Variants in MRTFA observed in about 807,000 individuals in gnomAD.
MRTFA encodes the protein myocardin related transcription factor A.
Under a neutral mutation model 83.5 loss-of-function variants are expected in MRTFA, and 20 were observed. That is an observed-to-expected ratio of 0.24 (90% confidence interval 0.17 to 0.35). The LOEUF (loss-of-function observed/expected upper bound fraction) is 0.35, where lower values mean the gene tolerates loss of function less well. MRTFA is among the 10% of genes least tolerant of loss of function. MRTFA has a pLI of 1.00. For missense variants in MRTFA, 1,200 were observed against 1,224.7 expected, an observed-to-expected ratio of 0.98 and a Z score of 0.30; for synonymous variants, 659 against 541.2, an observed-to-expected ratio of 1.22 and a Z score of -3.02.
chr22:40,634,402 A>C (rs1405612102), intron 1 of MRTFA, among the ~76,000 whole-genome samples: 2 of 152,122 alleles, frequency 1.3e-5, no homozygotes, highest in African/African-American at 4.8e-5. Flanking sequence ...CTATCAGGAA[A>C]ACTTTCCAAG....
chr22:40,618,555 C>T (rs2056482932), intron 1 of MRTFA, among the ~76,000 whole-genome samples: 1 of 152,072 alleles, frequency 6.6e-6, no homozygotes, highest in African/African-American at 2.4e-5. Context: ...ATGGGGTTGC[C>T]ACAGAGTAAG....
At chr22:40,421,959 C>T (rs1186443350) in intron 9 of MRTFA, among the ~76,000 whole-genome samples, 1 of 152,186 alleles carries the variant, frequency 6.6e-6, no homozygotes, top group East Asian at 1.9e-4. Context: ...ACAAAGTGAA[C>T]ATGTGGCAGG....
At chr22:40,631,188 T>C (rs2056637794) in intron 1 of MRTFA, among the ~76,000 whole-genome samples, 1 of 152,138 alleles carries the variant, frequency 6.6e-6, no homozygotes, top group Admixed American at 6.6e-5. Flanking sequence ...ATAGAAAAAT[T>C]GATGGTGAAG....
intron 3 of MRTFA, among the ~76,000 whole-genome samples, chr22:40,548,227 C>T (rs1442504911): frequency 2.6e-5 from 4 of 151,378 alleles, no homozygotes; most frequent in Non-Finnish European, 4.4e-5. Flanking sequence ...GGCATGGTGG[C>T]GCATGTCTGT....
At chr22:40,419,969 T>TGCGGGCA (rs2052793729) in intron 11 of MRTFA, among the ~76,000 whole-genome samples, 2 of 152,018 alleles carry the variant, frequency 1.3e-5, no homozygotes, top group Admixed American at 1.3e-4. Flanking sequence ...AAGGGGAAAA[T>TGCGGGCA]GCGGGCAGGG....
At position 40,617,395 on chromosome 22, in the gene MRTFA, G is replaced by A. The variant is rs556773082; in HGVS notation, c.-84+19083C>T. On this transcript the variant is annotated intron_variant, in intron 1 of 14. Transcript: ENST00000355630. ...CACAAACGGAGGCCAAATTGAAAAG[G>A]AGCTAGCAAAAGAGACAAAAAATGG... 1.1e-4 allele frequency among the ~76,000 whole-genome samples: 17 copies of A among 152,244 alleles called. No individual in the cohort carries two copies. In the South Asian group the frequency reaches 3.1e-3, roughly 28 times the overall value.
chr22:40,478,742 T>C (rs572357666), intron 3 of MRTFA, among the ~76,000 whole-genome samples: 1 of 152,286 alleles, frequency 6.6e-6, no homozygotes, highest in East Asian at 1.9e-4. Context: ...CAACATCTGG[T>C]GGAGGCAAAC....
intron 7 of MRTFA, among the ~76,000 whole-genome samples, chr22:40,426,019 A>G (rs1035209508): frequency 1.2e-4 from 19 of 152,182 alleles, no homozygotes; most frequent in Non-Finnish European, 2.5e-4. Flanking sequence ...CTAAGGGCAC[A>G]CTGAGGAGAG....
intron 3 of MRTFA, among the ~76,000 whole-genome samples, chr22:40,475,752 G>A (rs576795237): frequency 6.6e-6 from 1 of 152,316 alleles, no homozygotes; most frequent in Admixed American, 6.5e-5. Flanking sequence ...GTATTTTTCA[G>A]TTATCATAAG....
Position 40,420,529 on chromosome 22 carries a change from C to G in MRTFA, c.1229G>C (p.Ser410Thr), listed in dbSNP as rs578020660. 1.9e-6 allele frequency: 3 copies of G among 1,613,748 alleles called. No individual in the cohort carries two copies. The East Asian group carries it at 6.7e-5, about 36-fold the overall frequency. ...GGAGCTGCTATTGGTAGTGGAGAGG[C>G]TGCGTACTGGGGGGGTCCCGCTGCT... The change falls in exon 11 of 15, where the codon AGC (serine) becomes ACC (threonine). Residue 410 changes from serine to threonine, a missense_variant. Ser to Thr is a moderately conservative substitution (Grantham distance 58). This residue lies in a region of MRTFA where 1,107 missense variants were observed against 1,041.8 expected (regional missense o/e 1.06). Coordinates refer to ENST00000355630, the MANE Select transcript of MRTFA (RefSeq NM_020831.6).
chr22:40,586,842 G>A, intron 2 of MRTFA: 1 of 396,736 alleles, frequency 2.5e-6, no homozygotes, highest in Non-Finnish European at 5.0e-6. Context: ...CCTACCACAG[G>A]CTTCTTGACT....
At chr22:40,603,762 A>T (rs6001979) in intron 1 of MRTFA, among the ~76,000 whole-genome samples, 15,262 of 149,812 alleles carry the variant, frequency 0.1, 914 homozygotes, top group East Asian at 0.25. Flanking sequence ...GAAAAAAAAA[A>T]TTTTTTTTTT....
chr22:40,422,186 A>G (rs903415460), intron 9 of MRTFA, among the ~76,000 whole-genome samples: 27 of 152,164 alleles, frequency 1.8e-4, no homozygotes, highest in African/African-American at 6.3e-4. Flanking sequence ...GAGCCTAAGG[A>G]GCACCCCCAA....
At chr22:40,632,450 AT>A (rs939920142) in intron 1 of MRTFA, among the ~76,000 whole-genome samples, 161 of 143,584 alleles carry the variant, frequency 1.1e-3, no homozygotes, top group African/African-American at 2.6e-3. Context: ...CTCCCAGATA[AT>A]TTTTTTTTTT....
chr22:40,578,161 C>T (rs1257372758), intron 2 of MRTFA, among the ~76,000 whole-genome samples: 2 of 151,174 alleles, frequency 1.3e-5, no homozygotes, highest in Admixed American at 6.6e-5. Flanking sequence ...ACCATGTGGG[C>T]CAGGCTGGTC....
intron 4 of MRTFA, among the ~76,000 whole-genome samples, chr22:40,459,375 CTA>C (rs2053655195): frequency 1.3e-5 from 2 of 151,914 alleles, no homozygotes; most frequent in East Asian, 3.9e-4. Flanking sequence ...CTCTCATAAT[CTA>C]AGCATTTCTT....
intron 3 of MRTFA, among the ~76,000 whole-genome samples, chr22:40,518,134 C>G (rs973616756): frequency 2.0e-5 from 3 of 152,032 alleles, no homozygotes; most frequent in Non-Finnish European, 2.9e-5. Flanking sequence ...AATAAATTGA[C>G]AAATTTAAGT....
Position 40,441,833 on chromosome 22 carries a change from C to T in MRTFA, c.308-6279G>A, listed in dbSNP as rs150736423. On this transcript the variant is annotated intron_variant, in intron 4 of 14. Coordinates refer to ENST00000355630, the MANE Select transcript of MRTFA (RefSeq NM_020831.6). Reference sequence around the variant, plus strand: ...GTATGTATGTGTATATATATATATACACACACACACACACACACACACTTT... The same window carrying T: ...GTATGTATGTGTATATATATATATATACACACACACACACACACACACTTT... 4.5e-3 allele frequency among the ~76,000 whole-genome samples: 664 copies of T among 147,054 alleles called. 3 individuals are homozygous for T. Among genetic ancestry groups the T allele is most frequent in the Non-Finnish European group, 6.0e-3 (395 of 66,008 alleles).
chr22:40,532,226 C>T (rs1007715158), intron 3 of MRTFA, among the ~76,000 whole-genome samples: 1 of 152,166 alleles, frequency 6.6e-6, no homozygotes, highest in Admixed American at 6.5e-5. Context: ...AGCAAACAAT[C>T]TTTTAACCTT....
Sources: allele counts gnomAD v4.1 joint callset (sites outside exome capture counted in the v4.1 genomes callset), GRCh38; gene constraint gnomAD v4.1.1; regional missense constraint gnomAD v4.1.1; transcripts MANE v1.5; gene names NCBI Gene and HGNC (gene_info 2026-07-23, HGNC 2026-07-21).